Variants in SCD5 observed in about 807,000 individuals in gnomAD.
SCD5 encodes stearoyl-CoA desaturase 5.
In SCD5, 20 loss-of-function variants were observed where a neutral mutation model predicts 30.4. The observed-to-expected ratio is 0.66, with a 90% confidence interval of 0.46 to 0.96. The LOEUF (loss-of-function observed/expected upper bound fraction) is 0.96, where lower values mean the gene tolerates loss of function less well. Ranked by LOEUF, SCD5 falls within the 40% of genes least tolerant of loss-of-function variation. The pLI is 0.00. For missense variants in SCD5, 381 were observed against 443.3 expected (o/e 0.86, Z 1.26); for synonymous variants, 173 against 176.4 (o/e 0.98, Z 0.16).
chr4:82,747,497 C>G (rs1042852908), intron 1 of SCD5, among the ~76,000 whole-genome samples: 1 of 152,222 alleles, frequency 6.6e-6, no homozygotes, highest in African/African-American at 2.4e-5. Flanking sequence ...TACTTAACTT[C>G]TCCAAACCTC....
At chr4:82,694,977 C>T in intron 2 of SCD5, among the ~76,000 whole-genome samples, 1 of 137,676 alleles carries the variant, frequency 7.3e-6, no homozygotes, top group South Asian at 2.3e-4. Context: ...AAACTTATCA[C>T]TGGTCATTCA....
chr4:82,653,689 G>GATAGATAGATAGAT (rs1336631518), intron 3 of SCD5, among the ~76,000 whole-genome samples: 1 of 139,630 alleles, frequency 7.2e-6, no homozygotes, highest in Non-Finnish European at 1.6e-5. Flanking sequence ...TAGATAGATA[G>GATAGATAGATAGAT]ATAGATAGAT....
At chr4:82,770,290 C>A (rs879661952) in intron 1 of SCD5, among the ~76,000 whole-genome samples, 9 of 152,084 alleles carry the variant, frequency 5.9e-5, no homozygotes, top group Admixed American at 2.6e-4. Flanking sequence ...CGGGTCACAC[C>A]CCAATTTATA....
chr4:82,637,655 T>C (rs1275782724), intron 3 of SCD5, among the ~76,000 whole-genome samples: 2 of 152,250 alleles, frequency 1.3e-5, no homozygotes, highest in African/African-American at 2.4e-5. Flanking sequence ...TCAAAGTAAC[T>C]GAAGCTACCT....
chr4:82,714,640 C>T (rs1200996678), intron 1 of SCD5, among the ~76,000 whole-genome samples: 1 of 152,006 alleles, frequency 6.6e-6, no homozygotes, highest in Non-Finnish European at 1.5e-5. Context: ...AGGCAAGGAG[C>T]CAGGTCTGGA....
Position 82,680,670 on chromosome 4 carries a change from CCT to C in SCD5, c.569+35_569+36del, listed in dbSNP as rs1373785518. 4 of 1,597,762 alleles carry C rather than the reference CCT, an allele frequency of 2.5e-6. No homozygotes were observed. In the African/African-American group the frequency reaches 5.4e-5, roughly 21 times the overall value. On this transcript the variant is annotated intron_variant, in intron 3 of 4. Transcript: ENST00000319540. ...ATTGTGCTGTTTCTATGTCCTGGCC[CCT>C]GAGGGACAGCTCTCCGTCATGCCCA...
At chr4:82,770,874 C>T (rs910269762) in intron 1 of SCD5, among the ~76,000 whole-genome samples, 1 of 152,114 alleles carries the variant, frequency 6.6e-6, no homozygotes, top group Non-Finnish European at 1.5e-5. Flanking sequence ...TCCTCTGAGG[C>T]ATGTTCTAAT....
chr4:82,775,693 G>GA (rs1283397385), intron 1 of SCD5: 3 of 151,988 alleles, frequency 2.0e-5, no homozygotes, highest in East Asian at 1.9e-4. Context: ...AGACCGTCTA[G>GA]AAAAAATTTA....
intron 1 of SCD5, among the ~76,000 whole-genome samples, chr4:82,737,143 G>A (rs1043559178): frequency 6.6e-6 from 1 of 152,116 alleles, no homozygotes; most frequent in Non-Finnish European, 1.5e-5. Flanking sequence ...ATGTTTGTAT[G>A]AGGGTATAAC....
intron 1 of SCD5, among the ~76,000 whole-genome samples, chr4:82,749,142 T>A (rs1329317903): frequency 1.3e-5 from 2 of 152,266 alleles, no homozygotes; most frequent in East Asian, 1.9e-4. Flanking sequence ...AAGCTAGTTT[T>A]ATACTTCTGA....
chr4:82,677,538 G>A (rs1728462577), intron 3 of SCD5, among the ~76,000 whole-genome samples: 1 of 152,192 alleles, frequency 6.6e-6, no homozygotes, highest in South Asian at 2.1e-4. Flanking sequence ...GGCAGGACCG[G>A]TAAAGCCAGC....
intron 1 of SCD5, among the ~76,000 whole-genome samples, chr4:82,730,241 A>G (rs1175260932): frequency 7.4e-6 from 1 of 135,848 alleles, no homozygotes; most frequent in Admixed American, 8.2e-5. Context: ...TAATATTTAA[A>G]AACATATAAT....
intron 1 of SCD5, among the ~76,000 whole-genome samples, chr4:82,737,558 T>C (rs950411336): frequency 3.9e-5 from 6 of 152,200 alleles, no homozygotes; most frequent in Non-Finnish European, 8.8e-5. Context: ...AATCCCCTCA[T>C]AAATTTTCCT....
intron 1 of SCD5, among the ~76,000 whole-genome samples, chr4:82,740,237 C>G (rs1460970218): frequency 6.6e-6 from 1 of 152,252 alleles, no homozygotes; most frequent in Non-Finnish European, 1.5e-5. Flanking sequence ...TTGATTCCCT[C>G]TTCTGTCATT....
At chr4:82,737,822 A>G (rs1720782352) in intron 1 of SCD5, among the ~76,000 whole-genome samples, 1 of 152,184 alleles carries the variant, frequency 6.6e-6, no homozygotes, top group African/African-American at 2.4e-5. Flanking sequence ...ACCAAAGTCA[A>G]GTTGCTATCA....
intron 2 of SCD5, chr4:82,692,204 C>T (rs17353688): frequency 0.18 from 28,779 of 157,222 alleles, 3,178 homozygotes; most frequent in Middle Eastern, 0.31. Flanking sequence ...GCCATGCTGA[C>T]CGACGCCATG....
intron 1 of SCD5, among the ~76,000 whole-genome samples, chr4:82,710,156 G>C (rs866318707): frequency 2.6e-5 from 4 of 152,162 alleles, no homozygotes; most frequent in South Asian, 2.1e-4. Flanking sequence ...AGAAATGGGG[G>C]CCAGACAGCA....
intron 1 of SCD5, among the ~76,000 whole-genome samples, chr4:82,724,568 G>A (rs1164043058): frequency 6.6e-6 from 1 of 152,178 alleles, no homozygotes; most frequent in Non-Finnish European, 1.5e-5. Flanking sequence ...GTAGGCCCTA[G>A]AGTAAGTGGG....
At chr4:82,688,018 C>T (rs1017546265) in intron 2 of SCD5, among the ~76,000 whole-genome samples, 4 of 152,176 alleles carry the variant, frequency 2.6e-5, no homozygotes, top group Non-Finnish European at 5.9e-5. Context: ...TTGGTTTTCC[C>T]CTAGCCTAGC....
Sources: gnomAD v4.1 joint callset for allele counts (sites outside exome capture counted in the v4.1 genomes callset) on GRCh38, gnomAD v4.1.1 for gene constraint, MANE v1.5 for transcripts, NCBI Gene and HGNC (gene_info 2026-07-23, HGNC 2026-07-21) for gene names.